The following DPYD variants were observed in gnomAD, a reference collection of about 807,000 sequenced individuals.
DPYD encodes the protein dihydropyrimidine dehydrogenase [NADP(+)].
In DPYD, 109 loss-of-function variants were observed where a neutral mutation model predicts 116.2. The observed-to-expected ratio is 0.94, with a 90% CI of 0.80 to 1.10. DPYD has a LOEUF of 1.10. Among genes scored for constraint, DPYD ranks in the 50% least tolerant of loss-of-function variants. The pLI, the probability that DPYD is intolerant of heterozygous loss-of-function variation, is 0.00. For missense variants in DPYD, 1,302 were observed against 1,254.5 expected (o/e 1.04, Z -0.57); for synonymous variants, 440 against 432.0 (o/e 1.02, Z -0.23).
chr1:97,318,056 G>A (rs1231334320), intron 16 of DPYD, among the ~76,000 whole-genome samples: 4 of 147,088 alleles, frequency 2.7e-5, no homozygotes, highest in Admixed American at 6.9e-5. Context: ...CACCAGGCCT[G>A]CCCTAAAAGA....
chr1:97,363,055 C>G (rs1195130943), intron 16 of DPYD, among the ~76,000 whole-genome samples: 1 of 152,178 alleles, frequency 6.6e-6, no homozygotes, highest in African/African-American at 2.4e-5. Flanking sequence ...ATCTACCCAT[C>G]TGACAAAGGG....
chr1:97,335,499 T>A (rs578188698), intron 16 of DPYD, among the ~76,000 whole-genome samples: 2 of 152,266 alleles, frequency 1.3e-5, no homozygotes, highest in African/African-American at 2.4e-5. Context: ...AAACAGGGTG[T>A]GAAGGTGGAA....
chr1:97,213,043 C>T (rs1660145070), intron 19 of DPYD, among the ~76,000 whole-genome samples: 1 of 152,024 alleles, frequency 6.6e-6, no homozygotes, highest in Admixed American at 6.6e-5. Context: ...AATAGATGGC[C>T]ATCTTTTTGC....
chr1:97,089,214 G>C (rs1253636082), intron 21 of DPYD, among the ~76,000 whole-genome samples: 2 of 152,144 alleles, frequency 1.3e-5, no homozygotes, highest in Admixed American at 6.5e-5. Context: ...AAAGACGTTA[G>C]AGATACATTC....
At chr1:97,797,973 C>T (rs1667660406) in intron 3 of DPYD, 1 of 152,028 alleles carries the variant, frequency 6.6e-6, no homozygotes, top group Non-Finnish European at 1.5e-5. Flanking sequence ...AGATTTCTGT[C>T]AACCAAAACA....
At chr1:97,739,446 T>G (rs956826617) in intron 4 of DPYD, among the ~76,000 whole-genome samples, 18 of 152,110 alleles carry the variant, frequency 1.2e-4, no homozygotes, top group African/African-American at 4.3e-4. Flanking sequence ...CAATGCAGAT[T>G]TAAATCTGAC....
chr1:97,156,230 C>T (rs1041451546), intron 20 of DPYD, among the ~76,000 whole-genome samples: 1 of 152,058 alleles, frequency 6.6e-6, no homozygotes, highest in Non-Finnish European at 1.5e-5. Flanking sequence ...AAGAAGGAGA[C>T]AGGAGCTTGA....
intron 2 of DPYD, among the ~76,000 whole-genome samples, chr1:97,842,882 G>A (rs1210595847): frequency 6.6e-6 from 1 of 152,038 alleles, no homozygotes; most frequent in South Asian, 2.1e-4. Context: ...ACATTTTTTA[G>A]TTCTCATCTA....
At chr1:97,245,164 A>G (rs1187851811) in intron 18 of DPYD, among the ~76,000 whole-genome samples, 1 of 152,110 alleles carries the variant, frequency 6.6e-6, no homozygotes, top group East Asian at 1.9e-4. Context: ...TCACATATAC[A>G]TTATCTCCAT....
intron 3 of DPYD, among the ~76,000 whole-genome samples, chr1:97,822,116 A>C (rs1462342866): frequency 6.6e-6 from 1 of 151,272 alleles, no homozygotes; most frequent in Admixed American, 6.6e-5. Context: ...CGCCTCAAAA[A>C]ATTATCTTTA....
At chr1:97,110,390 G>GTACC (rs1651506219) in intron 20 of DPYD, among the ~76,000 whole-genome samples, 2 of 151,918 alleles carry the variant, frequency 1.3e-5, no homozygotes, top group African/African-American at 4.8e-5. Context: ...ACTAAGAGAG[G>GTACC]TATCCTATGT....
chr1:97,128,634 A>T (rs932272293), intron 20 of DPYD, among the ~76,000 whole-genome samples: 25 of 152,146 alleles, frequency 1.6e-4, no homozygotes, highest in African/African-American at 6.0e-4. Context: ...AAATGCTCTT[A>T]CGGGACTCGG....
At chr1:97,083,141 T>C (rs555258596) in intron 21 of DPYD, among the ~76,000 whole-genome samples, 1 of 152,314 alleles carries the variant, frequency 6.6e-6, no homozygotes, top group South Asian at 2.1e-4. Context: ...ATTGCTTTGT[T>C]CTTCATACTA....
chr1:97,287,209 T>G (rs1207860243), intron 18 of DPYD, among the ~76,000 whole-genome samples: 1 of 152,174 alleles, frequency 6.6e-6, no homozygotes, highest in East Asian at 1.9e-4. Context: ...CCTGTTTGCC[T>G]GGGTATCAGC....
intron 14 of DPYD, among the ~76,000 whole-genome samples, chr1:97,443,234 TTC>T (rs1362880298): frequency 2.0e-5 from 3 of 152,190 alleles, no homozygotes; most frequent in Non-Finnish European, 2.9e-5. Context: ...TTATGATATA[TTC>T]TCTTTTTTTG....
At chr1:97,739,092 G>A (rs187414247) in intron 4 of DPYD, among the ~76,000 whole-genome samples, 110 of 151,980 alleles carry the variant, frequency 7.2e-4, no homozygotes, top group Admixed American at 1.4e-3. Flanking sequence ...TATTTTTAGC[G>A]AAAATACTTT....
chr1:97,419,888 T>C (rs1453313154), intron 14 of DPYD: 1 of 152,218 alleles, frequency 6.6e-6, no homozygotes, highest in Non-Finnish European at 1.5e-5. Flanking sequence ...ATAATCCTAC[T>C]AACAGATTCT....
At chr1:97,456,681 G>A (rs565052226) in intron 13 of DPYD, among the ~76,000 whole-genome samples, 15 of 152,200 alleles carry the variant, frequency 9.9e-5, no homozygotes, top group Admixed American at 7.2e-4. Flanking sequence ...CAATGATGGC[G>A]TAATTGAGAG....
chr1:97,506,792 T>A (rs1341634672), intron 13 of DPYD, among the ~76,000 whole-genome samples: 1 of 152,044 alleles, frequency 6.6e-6, no homozygotes, highest in African/African-American at 2.4e-5. Context: ...TTACTTTGGC[T>A]ATAATTAAAA....
Sources: allele counts gnomAD v4.1 joint callset (sites outside exome capture counted in the v4.1 genomes callset), GRCh38; gene constraint gnomAD v4.1.1; transcripts MANE v1.5; gene names NCBI Gene and HGNC (gene_info 2026-07-23, HGNC 2026-07-21).